TIAM1: variants seen among roughly 807,000 people sequenced by gnomAD.
TIAM1 encodes rho guanine nucleotide exchange factor TIAM1.
Under a neutral mutation model 163.5 loss-of-function variants are expected in TIAM1, and 65 were observed. The observed-to-expected ratio is 0.40, with a 90% CI of 0.33 to 0.49. The LOEUF is 0.49. TIAM1 is among the 20% of genes least tolerant of loss of function. The pLI, the probability that TIAM1 is intolerant of heterozygous loss-of-function variation, is 0.77. For synonymous variants in TIAM1, 833 were observed against 810.1 expected (o/e 1.03, Z -0.48); for missense variants, 1,789 against 2,044.7 (o/e 0.87, Z 2.41).
Position 31,430,223 on chromosome 21 carries a change from AAAATAT to A in TIAM1, c.-369+33754_-369+33759del, listed in dbSNP as rs1215293381. 6.4e-3 allele frequency among the ~76,000 whole-genome samples: 624 copies of A among 97,984 alleles called. 10 individuals are homozygous for A. Among genetic ancestry groups the A allele is most frequent in the African/African-American group, 0.034 (581 of 16,860 alleles). The allele number at this position is 97,984 out of a possible 152,430, so 64.3% of individuals were successfully genotyped here. A position where few individuals can be genotyped will look rare whatever the true frequency, so the allele number is the denominator to read the frequency against. On this transcript the variant is annotated intron_variant, in intron 2 of 28. Transcript: ENST00000286827. ...CTCCATCTCAAAGAAAAAAAAAAAA[AAAATAT>A]ATATATATATATATATATACACACA...
rs2047913544 is a variant in TIAM1, at chr21:31,529,772, A to G, written c.-422+29155T>C. 2.4e-5 allele frequency among the ~76,000 whole-genome samples: 3 copies of G among 123,868 alleles called. No individual in the cohort carries two copies. In the South Asian group the frequency reaches 7.3e-4, roughly 30 times the overall value. 81.3% of individuals were successfully genotyped at this position (123,868 alleles called of 152,430 possible). A position where few individuals can be genotyped will look rare whatever the true frequency, so the allele number is the denominator to read the frequency against. ...AGTCCATGAACTCCAACCTGGTATC[A>G]TCTCTCCTAACTCCAGAGAAAATTC... On this transcript the variant is annotated intron_variant, in intron 1 of 28. Transcript: ENST00000286827.
chr21:31,210,452 T>C (rs1298059393), intron 10 of TIAM1, among the ~76,000 whole-genome samples: 1 of 147,748 alleles, frequency 6.8e-6, no homozygotes, highest in African/African-American at 2.5e-5. Flanking sequence ...ACCCACAGCA[T>C]CCATAGGTGA....
At chr21:31,254,122 G>A (rs1461641058) in intron 4 of TIAM1, among the ~76,000 whole-genome samples, 1 of 152,172 alleles carries the variant, frequency 6.6e-6, no homozygotes, top group African/African-American at 2.4e-5. Flanking sequence ...TGCAAGACAG[G>A]GAAATTTAGC....
chr21:31,454,784 G>C (rs2045025862), intron 2 of TIAM1, among the ~76,000 whole-genome samples: 1 of 152,190 alleles, frequency 6.6e-6, no homozygotes, highest in African/African-American at 2.4e-5. Context: ...TTGTGGAGCT[G>C]AATCAGAATT....
At chr21:31,465,639 T>C (rs568185461) in intron 1 of TIAM1, among the ~76,000 whole-genome samples, 43 of 152,024 alleles carry the variant, frequency 2.8e-4, no homozygotes, top group Middle Eastern at 6.8e-3. Flanking sequence ...GGTGCGATCT[T>C]GGCTCACTGC....
chr21:31,156,944 G>T (rs2083654328), intron 16 of TIAM1, among the ~76,000 whole-genome samples: 1 of 152,172 alleles, frequency 6.6e-6, no homozygotes, highest in Non-Finnish European at 1.5e-5. Flanking sequence ...GTTTTTCACA[G>T]AATTAATAGG....
At chr21:31,471,040 A>G (rs1018201455) in intron 1 of TIAM1, among the ~76,000 whole-genome samples, 5 of 152,218 alleles carry the variant, frequency 3.3e-5, no homozygotes, top group African/African-American at 1.2e-4. Context: ...TCGGATGCAC[A>G]AGCAACAGCA....
At chr21:31,505,331 T>C (rs1449531622) in intron 1 of TIAM1, among the ~76,000 whole-genome samples, 4 of 152,110 alleles carry the variant, frequency 2.6e-5, no homozygotes, top group African/African-American at 9.7e-5. Flanking sequence ...AATTAGATTC[T>C]AAGACCAAGA....
chr21:31,355,938 C>A (rs1313534802), intron 2 of TIAM1, among the ~76,000 whole-genome samples: 1 of 152,184 alleles, frequency 6.6e-6, no homozygotes, highest in Admixed American at 6.5e-5. Flanking sequence ...ATAAGCCCCA[C>A]AAGAGCAGGC....
chr21:31,158,420 C>G (rs545489957), intron 16 of TIAM1, among the ~76,000 whole-genome samples: 1 of 152,096 alleles, frequency 6.6e-6, no homozygotes, highest in Non-Finnish European at 1.5e-5. Flanking sequence ...GTTTCCCCAC[C>G]GGCAACCCTA....
intron 2 of TIAM1, among the ~76,000 whole-genome samples, chr21:31,307,708 A>G (rs1191221481): frequency 6.6e-6 from 1 of 152,054 alleles, no homozygotes; most frequent in African/African-American, 2.4e-5. Flanking sequence ...TCTAGCAAGG[A>G]GGGGCTTGCA....
chr21:31,316,776 C>G (rs2075137647), intron 2 of TIAM1, among the ~76,000 whole-genome samples: 1 of 152,154 alleles, frequency 6.6e-6, no homozygotes, highest in African/African-American at 2.4e-5. Flanking sequence ...CCACACATGC[C>G]TAGATAAAAC....
At chr21:31,405,189 A>C (rs574943941) in intron 2 of TIAM1, among the ~76,000 whole-genome samples, 1 of 152,288 alleles carries the variant, frequency 6.6e-6, no homozygotes, top group East Asian at 1.9e-4. Flanking sequence ...TCAAGGTTAC[A>C]GTGAGCCATG....
intron 14 of TIAM1, among the ~76,000 whole-genome samples, chr21:31,185,379 T>C (rs1162780081): frequency 1.4e-5 from 2 of 144,022 alleles, no homozygotes; most frequent in Non-Finnish European, 3.1e-5. Context: ...TAATTGCACA[T>C]CATAATTATA....
At chr21:31,387,144 G>A (rs927529503) in intron 2 of TIAM1, among the ~76,000 whole-genome samples, 11 of 150,450 alleles carry the variant, frequency 7.3e-5, no homozygotes, top group African/African-American at 2.0e-4. Flanking sequence ...GTCCCACCCC[G>A]AGAGCAGACT....
intron 15 of TIAM1, among the ~76,000 whole-genome samples, chr21:31,179,526 C>T (rs1320888458): frequency 1.0e-4 from 15 of 150,016 alleles, no homozygotes; most frequent in Non-Finnish European, 4.4e-5. Flanking sequence ...ATATCAGCTC[C>T]GAGTTATGGC....
chr21:31,413,566 G>C (rs562612537), intron 2 of TIAM1, among the ~76,000 whole-genome samples: 1 of 151,924 alleles, frequency 6.6e-6, no homozygotes, highest in African/African-American at 2.4e-5. Flanking sequence ...CACCACGCCC[G>C]GCCCTCTTTC....
intron 2 of TIAM1, among the ~76,000 whole-genome samples, chr21:31,442,006 A>G (rs1415640607): frequency 1.4e-5 from 2 of 144,230 alleles, no homozygotes; most frequent in African/African-American, 2.6e-5. Flanking sequence ...TAGTGAGCTG[A>G]GACAGTGCCA....
chr21:31,425,585 T>C (rs1248187264), intron 2 of TIAM1, among the ~76,000 whole-genome samples: 64 of 107,390 alleles, frequency 6.0e-4, no homozygotes, highest in African/African-American at 4.8e-3. Flanking sequence ...CAGGGACTGC[T>C]TTTTTTTTTT....
Sources: allele counts gnomAD v4.1 joint callset (sites outside exome capture counted in the v4.1 genomes callset), GRCh38; gene constraint gnomAD v4.1.1; transcripts MANE v1.5; gene names NCBI Gene and HGNC (gene_info 2026-07-23, HGNC 2026-07-21).